UNC79: variants seen among roughly 807,000 people sequenced by gnomAD.
The protein encoded by UNC79 is protein unc-79 homolog.
Under a neutral mutation model 283.1 loss-of-function variants are expected in UNC79, and 37 were observed. The observed-to-expected ratio is 0.13, with a 90% CI of 0.10 to 0.17. UNC79 has a LOEUF of 0.17. UNC79 is among the 10% of genes least tolerant of loss of function. The probability of loss-of-function intolerance (pLI) is 1.00; values close to 1 mark genes in which losing one functional copy is unlikely to be tolerated. For synonymous variants in UNC79, 1,107 were observed against 1,200.2 expected (o/e 0.92, Z 1.61); for missense variants, 2,272 against 3,211.1 (o/e 0.71, Z 7.07).
intron 1 of UNC79, among the ~76,000 whole-genome samples, chr14:93,336,364 C>CAG (rs1298229028): frequency 6.6e-6 from 1 of 151,616 alleles, no homozygotes; most frequent in Non-Finnish European, 1.5e-5. Flanking sequence ...TTTCTTGAGA[C>CAG]AGAGTCTTGC....
chr14:93,533,009 G>A (rs1036165266), intron 11 of UNC79, among the ~76,000 whole-genome samples: 3 of 152,036 alleles, frequency 2.0e-5, no homozygotes, highest in African/African-American at 2.4e-5. Flanking sequence ...TATATGGAAA[G>A]TATTTATGTG....
intron 14 of UNC79, among the ~76,000 whole-genome samples, chr14:93,566,152 C>G (rs1369378600): frequency 1.3e-5 from 2 of 152,162 alleles, no homozygotes; most frequent in East Asian, 3.9e-4. Context: ...ATCATGCTGG[C>G]TCACAAGCCT....
At chr14:93,630,250 G>A (rs542172431) in intron 30 of UNC79, among the ~76,000 whole-genome samples, 21 of 152,336 alleles carry the variant, frequency 1.4e-4, no homozygotes, top group Admixed American at 6.5e-4. Context: ...AGATTATAGT[G>A]TGGTAAGTCT....
At chr14:93,616,564 T>C (rs993238460) in intron 27 of UNC79, among the ~76,000 whole-genome samples, 1 of 152,082 alleles carries the variant, frequency 6.6e-6, no homozygotes, top group Non-Finnish European at 1.5e-5. Flanking sequence ...GAGACAGGGT[T>C]TCGCCGTGTT....
At chr14:93,554,866 A>C (rs1312773411) in intron 14 of UNC79, among the ~76,000 whole-genome samples, 3 of 152,190 alleles carry the variant, frequency 2.0e-5, no homozygotes, top group Non-Finnish European at 4.4e-5. Context: ...TCTTAAAAAC[A>C]CCTAATTTTA....
At chr14:93,431,859 A>G (rs1392712585) in intron 1 of UNC79, among the ~76,000 whole-genome samples, 1 of 152,202 alleles carries the variant, frequency 6.6e-6, no homozygotes, top group African/African-American at 2.4e-5. Flanking sequence ...TGCAGTGCGC[A>G]CTAGTAGGCC....
intron 18 of UNC79, 127 bp from the exon 19 acceptor site, chr14:93,580,022 T>C (rs1410646923): frequency 1.3e-6 from 1 of 786,616 alleles, no homozygotes; most frequent in East Asian, 2.6e-5. Context: ...ATTCAATATT[T>C]CTGTCAGTTA....
At chr14:93,551,685 T>C (rs542820041) in intron 14 of UNC79, among the ~76,000 whole-genome samples, 1 of 152,372 alleles carries the variant, frequency 6.6e-6, no homozygotes, top group African/African-American at 2.4e-5. Context: ...TGTATGACTA[T>C]TAATGGATAC....
At chr14:93,608,379 G>T (rs955656850) in intron 26 of UNC79, among the ~76,000 whole-genome samples, 2 of 152,206 alleles carry the variant, frequency 1.3e-5, no homozygotes, top group African/African-American at 2.4e-5. Flanking sequence ...ATCAGGGAAG[G>T]TCTCATGGAC....
chr14:93,424,732 G>A (rs866263459), intron 1 of UNC79, among the ~76,000 whole-genome samples: 2 of 151,664 alleles, frequency 1.3e-5, no homozygotes, highest in Admixed American at 1.3e-4. Flanking sequence ...GGGGGTGGAG[G>A]GGCAATGGGG....
intron 27 of UNC79, 53 bp downstream of exon 28, chr14:93,613,136 C>T: frequency 6.3e-7 from 1 of 1,596,760 alleles, no homozygotes; most frequent in Non-Finnish European, 8.5e-7. Flanking sequence ...TTAGTAGAAG[C>T]AAGGCATTAC....
intron 41 of UNC79, among the ~76,000 whole-genome samples, chr14:93,680,480 C>T (rs906134481): frequency 6.6e-5 from 10 of 152,214 alleles, no homozygotes; most frequent in Non-Finnish European, 1.0e-4. Flanking sequence ...TATGCAATAT[C>T]ATTTCTGATG....
intron 7 of UNC79, among the ~76,000 whole-genome samples, chr14:93,520,906 TC>T (rs2060292261): frequency 6.6e-6 from 1 of 152,040 alleles, no homozygotes; most frequent in Admixed American, 6.6e-5. Context: ...TGATCTGTTT[TC>T]CCCCTGGTTA....
At chr14:93,370,543 TG>T (rs1338449087) in intron 1 of UNC79, among the ~76,000 whole-genome samples, 1 of 152,144 alleles carries the variant, frequency 6.6e-6, no homozygotes, top group African/African-American at 2.4e-5. Context: ...GAGGCCAAGG[TG>T]GGCAGATCAC....
At chr14:93,700,824 C>T (rs2075473869) in intron 47 of UNC79, among the ~76,000 whole-genome samples, 1 of 152,134 alleles carries the variant, frequency 6.6e-6, no homozygotes, top group Non-Finnish European at 1.5e-5. Flanking sequence ...TAAGATTTTT[C>T]CACTCTGACT....
chr14:93,571,196 C>T (rs2063187836), intron 14 of UNC79, among the ~76,000 whole-genome samples: 3 of 152,150 alleles, frequency 2.0e-5, no homozygotes, highest in Admixed American at 1.3e-4. Context: ...AGTAAAGACT[C>T]AGGACCAGTT....
intron 4 of UNC79, among the ~76,000 whole-genome samples, chr14:93,487,144 TATC>T (rs2058483271): frequency 1.3e-5 from 2 of 152,236 alleles, no homozygotes; most frequent in Admixed American, 6.5e-5. Flanking sequence ...TAAATTAATA[TATC>T]ATTATTTTTT....
intron 10 of UNC79, among the ~76,000 whole-genome samples, chr14:93,530,011 G>A (rs541769316): frequency 2.0e-5 from 3 of 152,272 alleles, no homozygotes; most frequent in South Asian, 2.1e-4. Flanking sequence ...AAAAATGAAA[G>A]GTGGAAAGAG....
intron 14 of UNC79, among the ~76,000 whole-genome samples, chr14:93,549,119 A>G (rs1171023105): frequency 6.6e-6 from 1 of 152,260 alleles, no homozygotes; most frequent in Non-Finnish European, 1.5e-5. Flanking sequence ...TAATGTGTTA[A>G]TATTTTATCC....
Sources: gnomAD v4.1 joint callset for allele counts (sites outside exome capture counted in the v4.1 genomes callset) on GRCh38, gnomAD v4.1.1 for gene constraint, MANE v1.5 for transcripts, NCBI Gene and HGNC (gene_info 2026-07-23, HGNC 2026-07-21) for gene names.